The following MID1 variants were observed in gnomAD, a reference collection of about 807,000 sequenced individuals.
MID1 encodes the protein midline 1.
MID1 carries 7 observed loss-of-function variants against 40.4 expected under a neutral mutation model. That is an observed-to-expected ratio of 0.17 (90% CI 0.10 to 0.33). MID1 has a LOEUF of 0.33. Among genes scored for constraint, MID1 ranks in the 10% least tolerant of loss-of-function variants. The pLI, the probability that MID1 is intolerant of heterozygous loss-of-function variation, is 1.00. For missense variants in MID1, 367 were observed against 558.5 expected, an observed-to-expected ratio of 0.66 and a Z score of 3.46; for synonymous variants, 229 against 221.2, an observed-to-expected ratio of 1.04 and a Z score of -0.31.
intron 1 of MID1, among the ~76,000 whole-genome samples, chrX:10,740,152 G>A (rs1394438970): frequency 9.0e-6 from 1 of 111,437 alleles, no homozygotes; most frequent in African/African-American, 3.3e-5. Context: ...TCTTTTTTGC[G>A]AACTGGGATG....
intron 1 of MID1, among the ~76,000 whole-genome samples, chrX:10,803,352 C>CTTTTTTTTTT (rs757624510): frequency 1.1e-5 from 1 of 90,695 alleles, no homozygotes; most frequent in Non-Finnish European, 2.2e-5. Context: ...ACTATATTTT[C>CTTTTTTTTTT]TTTTTTTTTT....
chrX:10,693,287 T>C (rs1282289000), intron 1 of MID1, among the ~76,000 whole-genome samples: 1 of 106,685 alleles, frequency 9.4e-6, no homozygotes, highest in Admixed American at 1.0e-4. Flanking sequence ...CTCGACCTCT[T>C]GGGCTCAAGT....
chrX:10,473,648 C>T (rs1260777669), intron 6 of MID1, among the ~76,000 whole-genome samples: 1 of 112,425 alleles, frequency 8.9e-6, no homozygotes, highest in Non-Finnish European at 1.9e-5. Flanking sequence ...AATTGAGAAG[C>T]TCATGTCACG....
chrX:10,533,433 AAGAG>A (rs1569090045), intron 2 of MID1, among the ~76,000 whole-genome samples: 1 of 95,397 alleles, frequency 1.0e-5, no homozygotes, highest in African/African-American at 3.8e-5. Context: ...GAAAGAAAGA[AAGAG>A]AAAGAAAAGA....
chrX:10,565,029 C>A (rs754497387), intron 2 of MID1: 3 of 213,231 alleles, frequency 1.4e-5, no homozygotes, highest in South Asian at 1.2e-4. Context: ...AAAAAGATTA[C>A]CTTGGTTTGT....
chrX:10,757,916 A>C (rs897795700), intron 1 of MID1, among the ~76,000 whole-genome samples: 4 of 111,210 alleles, frequency 3.6e-5, no homozygotes. Flanking sequence ...TAATGGTTTT[A>C]AACCATATTA....
chrX:10,507,492 A>G (rs1409363426), intron 3 of MID1, among the ~76,000 whole-genome samples: 1 of 112,865 alleles, frequency 8.9e-6, no homozygotes, highest in Admixed American at 9.4e-5. Context: ...CGTGAAAAGC[A>G]GAAGAAAAAA....
Position 10,591,083 on chromosome X carries a change from C to T in MID1, c.-56-23480G>A, listed in dbSNP as rs149194742. Among the ~76,000 whole-genome samples the T allele has an allele frequency of 1.2e-3, 138 of 111,072 alleles. 1 individual carries two copies. In the East Asian group the frequency reaches 0.028, roughly 23 times the overall value. On this transcript the variant is annotated intron_variant, in intron 1 of 9. Transcript: ENST00000317552. ...TTAAAATAACTCAGTACTTAAGATG[C>T]AATCTAGGGCTTAAAAATTCACTTA...
At chrX:10,665,913 G>T (rs1349275797) in intron 1 of MID1, among the ~76,000 whole-genome samples, 2 of 109,691 alleles carry the variant, frequency 1.8e-5, no homozygotes, top group Non-Finnish European at 3.8e-5. Context: ...TGACACACGT[G>T]ACCTGATTTC....
At chrX:10,660,858 G>A (rs895302373) in intron 1 of MID1, among the ~76,000 whole-genome samples, 1 of 111,949 alleles carries the variant, frequency 8.9e-6, no homozygotes, top group Non-Finnish European at 1.9e-5. Flanking sequence ...TCACCTCTGA[G>A]GGAACAATGA....
At chrX:10,548,431 A>C (rs1933781901) in intron 2 of MID1, among the ~76,000 whole-genome samples, 1 of 112,057 alleles carries the variant, frequency 8.9e-6, no homozygotes, top group African/African-American at 3.2e-5. Context: ...TCTAGTGTTT[A>C]TCCCCTCAGG....
chrX:10,557,236 T>C (rs1934157167), intron 2 of MID1, among the ~76,000 whole-genome samples: 1 of 111,875 alleles, frequency 8.9e-6, no homozygotes, highest in Admixed American at 9.5e-5. Flanking sequence ...TTGGTGGCCC[T>C]GGAGGCATCA....
chrX:10,739,761 A>T (rs1481053783), intron 1 of MID1, among the ~76,000 whole-genome samples: 1 of 112,069 alleles, frequency 8.9e-6, no homozygotes, highest in East Asian at 2.8e-4. Flanking sequence ...GAGTGTCCTG[A>T]CACCATGGAG....
intron 1 of MID1, among the ~76,000 whole-genome samples, chrX:10,713,857 T>C (rs1430406028): frequency 2.7e-5 from 3 of 111,982 alleles, no homozygotes; most frequent in Non-Finnish European, 5.6e-5. Context: ...GCACCCTCTC[T>C]TGATGAAGTA....
chrX:10,761,192 A>T (rs1027129387), intron 1 of MID1, among the ~76,000 whole-genome samples: 8 of 111,592 alleles, frequency 7.2e-5, no homozygotes, highest in South Asian at 7.5e-4. Context: ...ATTTAAGTAA[A>T]TTGTTAAGAG....
chrX:10,568,387 C>T (rs1934631293), intron 1 of MID1, among the ~76,000 whole-genome samples: 1 of 111,578 alleles, frequency 9.0e-6, no homozygotes, highest in African/African-American at 3.3e-5. Flanking sequence ...AGTTTGAGTA[C>T]CAATGACTAA....
chrX:10,677,862 C>T (rs1382829948), intron 1 of MID1: 1 of 110,364 alleles, frequency 9.1e-6, no homozygotes, highest in Non-Finnish European at 1.9e-5. Context: ...AAAAAATTGC[C>T]TCTGCTTGGT....
chrX:10,591,494 A>T (rs1472807158), intron 1 of MID1, among the ~76,000 whole-genome samples: 1 of 112,213 alleles, frequency 8.9e-6, no homozygotes, highest in Non-Finnish European at 1.9e-5. Flanking sequence ...TTTCATCCTT[A>T]GAATACAGAC....
chrX:10,480,517 C>T (rs536228669), intron 5 of MID1, among the ~76,000 whole-genome samples: 28 of 112,358 alleles, frequency 2.5e-4, no homozygotes, highest in East Asian at 5.6e-4. Flanking sequence ...TCCTGGATTC[C>T]GGTTGGAAAC....
Sources: gnomAD v4.1 joint callset for allele counts (sites outside exome capture counted in the v4.1 genomes callset) on GRCh38, gnomAD v4.1.1 for gene constraint, MANE v1.5 for transcripts, NCBI Gene and HGNC (gene_info 2026-07-23, HGNC 2026-07-21) for gene names.